The following FCRLA variants were observed in gnomAD, a reference collection of about 807,000 sequenced individuals.
The protein encoded by FCRLA is Fc receptor-like A.
A neutral mutation model predicts 28.4 loss-of-function variants in FCRLA; 26 were observed. The observed-to-expected ratio is 0.91, with a 90% CI of 0.67 to 1.27. FCRLA has a LOEUF of 1.27. FCRLA is among the 50% of genes most tolerant of loss of function. The probability of loss-of-function intolerance (pLI) is 0.00; values close to 1 mark genes in which losing one functional copy is unlikely to be tolerated. For missense variants in FCRLA, 422 were observed against 433.1 expected (o/e 0.97, Z 0.23); for synonymous variants, 174 against 168.5 (o/e 1.03, Z -0.25).
In FCRLA at chr1:161,713,347, G is replaced by A. The variant is rs1412344446; in HGVS notation, c.1047G>A (p.Arg349=). Residue 349 remains arginine, a synonymous_variant, in exon 5 of 5, where the codon CGG becomes CGA. Coordinates refer to ENST00000236938, the MANE Select transcript of FCRLA (RefSeq NM_032738.4). ...AGTTGAGGGAATTATCTGGCCACCG[G>A]AAGCCTGGGACCACAAAGGCTACTG... ...LMELRELSGH[R]KPGTTKATAE is the part of the protein sequence containing the mutation. 6.2e-7 allele frequency: 1 copy of A among 1,614,130 alleles called. No homozygotes were observed. The highest frequency in any genetic ancestry group is 1.1e-5 in the South Asian group (1 of 91,080).
chr1:161,713,091 C>T lies in FCRLA; in HGVS notation c.791C>T (p.Ser264Phe). 1 of 1,611,942 alleles carries T rather than the reference C, an allele frequency of 6.2e-7. No homozygotes were observed. Among genetic ancestry groups the T allele is most frequent in the Non-Finnish European group, 8.5e-7 (1 of 1,179,182 alleles). ...PQLEIRVQGA[S>F]SSAAPPTLNP... ...CTCCTGCCCCATAATTCAGGTGCTT[C>T]CAGCTCTGCTGCACCTCCCACATTG... The change falls in exon 5 of 5, where the codon TCC becomes TTC. Residue 264 changes from serine to phenylalanine, a missense_variant. Coordinates refer to ENST00000236938, the MANE Select transcript of FCRLA (RefSeq NM_032738.4).
intron 1 of FCRLA, 110 bp from the exon 2 acceptor site, chr1:161,710,649 AC>A (rs1683049157): frequency 3.4e-6 from 5 of 1,465,414 alleles, no homozygotes; most frequent in Non-Finnish European, 4.7e-6. Flanking sequence ...TTGATGTCTT[AC>A]TAGTCTCATT....
chr1:161,711,596 C>A, intron 3 of FCRLA, 122 bp downstream of exon 3: 3 of 1,306,438 alleles, frequency 2.3e-6, no homozygotes, highest in Non-Finnish European at 3.1e-6. Context: ...AGGTTGCTGG[C>A]AAATGCCCAA....
intron 1 of FCRLA, among the ~76,000 whole-genome samples, chr1:161,708,187 T>C (rs1682923438): frequency 6.6e-6 from 1 of 152,194 alleles, no homozygotes; most frequent in Non-Finnish European, 1.5e-5. Flanking sequence ...CCTCATCTAA[T>C]TCATTTTCCA....
At chr1:161,710,613 G>T in intron 1 of FCRLA, 147 bp from the exon 2 acceptor site, 1 of 1,400,096 alleles carries the variant, frequency 7.1e-7, no homozygotes, top group Non-Finnish European at 9.9e-7. Context: ...ACACTCTCAG[G>T]GGTCTTTCCG....
rs1267298816 is a variant in FCRLA at position 161,711,204 on chromosome 1, A to G, written c.233-4A>G. ...TGACACTCAGCTCTTTCTCTGGACC[A>G]TAGACTGGCTGATCCTCCAAGGTCC... is the stretch of plus-strand genomic sequence containing the variant. On this transcript the variant is annotated splice_polypyrimidine_tract_variant and splice_region_variant and intron_variant, in intron 2 of 4. Coordinates refer to ENST00000236938, the MANE Select transcript of FCRLA (RefSeq NM_032738.4). 5.6e-6 allele frequency: 9 copies of G among 1,610,762 alleles called. No homozygotes were observed. The highest frequency in any genetic ancestry group is 1.7e-4 in the Middle Eastern group (1 of 5,890).
chr1:161,707,915 A>C (rs1409127855), intron 1 of FCRLA, among the ~76,000 whole-genome samples: 8 of 151,912 alleles, frequency 5.3e-5, no homozygotes. Context: ...CCCCTTAAAC[A>C]CTAGTGTTCT....
Position 161,713,402 on chromosome 1 carries a change from T to C in FCRLA, c.*22T>C, listed in dbSNP as rs1218799473. ...ATAGAAGTAAACAGTTCATCCATGA[T>C]CTCACTTAACCACCCCAATAAATCT... On this transcript the variant is annotated 3_prime_UTR_variant, in exon 5 of 5. Coordinates refer to ENST00000236938, the MANE Select transcript of FCRLA (RefSeq NM_032738.4). 2 of 1,587,996 alleles carry C rather than the reference T, an allele frequency of 1.3e-6. No individual in the cohort carries two copies. The highest frequency in any genetic ancestry group is 1.7e-6 in the Non-Finnish European group (2 of 1,162,310).
intron 1 of FCRLA, 153 bp from the exon 2 acceptor site, chr1:161,710,607 T>C: frequency 7.2e-7 from 1 of 1,386,828 alleles, no homozygotes. Flanking sequence ...CCTGAGACAC[T>C]CTCAGGGGTC....
In FCRLA at chr1:161,710,847, G is replaced by C; in HGVS notation, c.167G>C (p.Arg56Thr). Residue 56 changes from arginine to threonine, a missense_variant, in exon 2 of 5, where the codon AGG becomes ACG. Coordinates refer to ENST00000236938, the MANE Select transcript of FCRLA (RefSeq NM_032738.4). ...CHTEDDLTDA[R>T]EAGFQVKAYT... ...ACGGAGGATGACTTGACTGATGCAA[G>C]GGAAGCTGGCTTCCAGGTCAAGGCC... 6.2e-7 allele frequency: 1 copy of C among 1,613,982 alleles called. No homozygotes were observed. The highest frequency in any genetic ancestry group is 8.5e-7 in the Non-Finnish European group (1 of 1,180,020).
At chr1:161,710,317 C>T (rs985955611) in intron 1 of FCRLA, 5 of 662,484 alleles carry the variant, frequency 7.5e-6, no homozygotes, top group African/African-American at 7.2e-5. Context: ...AAGTCACCTA[C>T]CTGGAAAGTT....
rs769080729 is a variant in FCRLA, at chr1:161,712,045, G to A, written c.611G>A (p.Arg204His). The change falls in exon 4 of 5, where the codon CGC becomes CAC. Residue 204 changes from arginine (R) to histidine (H), a missense_variant. Coordinates refer to ENST00000236938, the MANE Select transcript of FCRLA (RefSeq NM_032738.4). ...TTGCCCCTGCAGAGGTCAGCTGCCC[G>A]CCTCCTCTTCTCCTTCTACAAGGAT... is the stretch of plus-strand genomic sequence containing the variant. ...TKLPLQRSAA[R>H]LLFSFYKDGR... 1.1e-5 allele frequency: 17 copies of A among 1,614,046 alleles called. No individual in the cohort carries two copies. Among genetic ancestry groups the A allele is most frequent in the Middle Eastern group, 1.6e-4 (1 of 6,084 alleles).
At position 161,714,034 on chromosome 1, in the gene FCRLA, G is replaced by A. The variant is rs1683237242; in HGVS notation, c.*654G>A. On this transcript the variant is annotated 3_prime_UTR_variant, in exon 5 of 5. Transcript: ENST00000236938. Reference sequence around the variant, plus strand: ...CAGTCTTTAGCTGGTGCTATGGTCTGTTCTTTAGTTCTAGTTTGTATCCCC... The same window carrying A: ...CAGTCTTTAGCTGGTGCTATGGTCTATTCTTTAGTTCTAGTTTGTATCCCC... 1.3e-5 allele frequency: 2 copies of A among 152,282 alleles called. No homozygotes were observed. Among genetic ancestry groups the A allele is most frequent in the African/African-American group, 4.8e-5 (2 of 41,414 alleles). The allele number at this position is 152,282 out of a possible 1,614,324, so 9.4% of individuals were successfully genotyped here.
In FCRLA at chr1:161,712,154, T is replaced by C. The variant is rs763202816; in HGVS notation, c.720T>C (p.Cys240=). The change falls in exon 4 of 5, where the codon TGT becomes TGC. Residue 240 remains cysteine, a synonymous_variant. Coordinates refer to ENST00000236938, the MANE Select transcript of FCRLA (RefSeq NM_032738.4). ...AAGATCACTCCGGGTCATACTGGTG[T>C]GAGGCAGCCACTGAGGACAACCAAG... ...ASEDHSGSYW[C]EAATEDNQVW... is the part of the protein sequence containing the mutation. 7 of 1,614,044 alleles carry C rather than the reference T, an allele frequency of 4.3e-6. No homozygotes were observed. In the Admixed American group the frequency reaches 1.2e-4, roughly 27 times the overall value.
intron 1 of FCRLA, 36 bp from the exon 2 acceptor site, chr1:161,710,724 C>T (rs1359682122): frequency 6.2e-7 from 1 of 1,613,768 alleles, no homozygotes; most frequent in Non-Finnish European, 8.5e-7. Context: ...GTTGCATCAT[C>T]ATTTTCTGGT....
At chr1:161,707,386 C>T in intron 1 of FCRLA, 43 bp downstream of exon 1, 1 of 1,534,724 alleles carries the variant, frequency 6.5e-7, no homozygotes, top group Non-Finnish European at 8.7e-7. Flanking sequence ...TGGAGCTTTG[C>T]TTACCTTGGG....
chr1:161,707,681 C>G (rs1195041813), intron 1 of FCRLA, among the ~76,000 whole-genome samples: 1 of 152,216 alleles, frequency 6.6e-6, no homozygotes, highest in Non-Finnish European at 1.5e-5. Flanking sequence ...ATGCTTGCAG[C>G]CTGGCTTCCA....
At chr1:161,713,029 G>T in intron 4 of FCRLA, 56 bp from the exon 5 acceptor site, 2 of 1,544,980 alleles carry the variant, frequency 1.3e-6, no homozygotes, top group South Asian at 1.3e-5. Flanking sequence ...AGGGATGGGA[G>T]GGAAGGGCCA....
Position 161,711,438 on chromosome 1 carries a change from C to A in FCRLA, c.463C>A (p.Pro155Thr). ...GIFQSPGPGI[P>T]ETASVVAITV... ...CTTCCAGAGCCCTGGTCCTGGGATC[C>A]CAGAAACAGCATCTGTTGTGGCTAT... Residue 155 changes from proline to threonine, a missense_variant, in exon 3 of 5, where the codon CCA becomes ACA. Around this residue, in one of 3 missense-constraint regions of FCRLA, gnomAD observed 231 missense variants for 214.6 expected, o/e 1.08. Transcript: ENST00000236938. 6.2e-7 allele frequency: 1 copy of A among 1,614,144 alleles called. No individual in the cohort carries two copies. The highest frequency in any genetic ancestry group is 8.5e-7 in the Non-Finnish European group (1 of 1,180,004).
Sources: allele counts gnomAD v4.1 joint callset (sites outside exome capture counted in the v4.1 genomes callset), GRCh38; gene constraint gnomAD v4.1.1; regional missense constraint gnomAD v4.1.1; transcripts MANE v1.5; gene names NCBI Gene and HGNC (gene_info 2026-07-23, HGNC 2026-07-21).